ISG20: variants seen among roughly 807,000 people sequenced by gnomAD.
The protein encoded by ISG20 is interferon stimulated exonuclease gene 20, also known as interferon-stimulated gene 20 kDa protein.
In ISG20, 8 loss-of-function variants were observed where a neutral mutation model predicts 11.1. The observed-to-expected ratio is 0.72, with a 90% CI of 0.42 to 1.30. The LOEUF is 1.30. ISG20 is among the 50% of genes most tolerant of loss of function. The pLI is 0.01. For synonymous variants in ISG20, 110 were observed against 101.7 expected, an observed-to-expected ratio of 1.08 and a Z score of -0.49; for missense variants, 243 against 250.2, an observed-to-expected ratio of 0.97 and a Z score of 0.19.
At position 88,655,571 on chromosome 15, in the gene ISG20, G is replaced by C; in HGVS notation, c.*40G>C. Reference sequence around the variant, plus strand: ...CGTTCCGCAGGGACTAGAGGCTTTCGGCTTTTTGGGACAGCAACTACCTTG... The same window carrying C: ...CGTTCCGCAGGGACTAGAGGCTTTCCGCTTTTTGGGACAGCAACTACCTTG... On this transcript the variant is annotated 3_prime_UTR_variant, in exon 4 of 4. Coordinates refer to ENST00000306072, the MANE Select transcript of ISG20 (RefSeq NM_002201.6). 6.8e-7 allele frequency: 1 copy of C among 1,467,406 alleles called. No individual in the cohort carries two copies. Among genetic ancestry groups the C allele is most frequent in the Non-Finnish European group, 9.3e-7 (1 of 1,069,616 alleles). The allele number at this position is 1,467,406 out of a possible 1,614,324, so 90.9% of individuals were successfully genotyped here. A position where few individuals can be genotyped will look rare whatever the true frequency, so the allele number is the denominator to read the frequency against.
intron 2 of ISG20, among the ~76,000 whole-genome samples, chr15:88,644,730 G>A (rs1390701221): frequency 6.6e-6 from 1 of 152,056 alleles, no homozygotes; most frequent in Non-Finnish European, 1.5e-5. Context: ...GTGCTGATGG[G>A]AGGCCCAGGG....
At chr15:88,642,845 A>C (rs1337429274) in intron 2 of ISG20, among the ~76,000 whole-genome samples, 1 of 152,028 alleles carries the variant, frequency 6.6e-6, no homozygotes, top group East Asian at 2.0e-4. Flanking sequence ...CGAATGCCTC[A>C]CCTCAAGTGA....
Position 88,643,825 on chromosome 15 carries a change from T to G in ISG20, c.228+4231T>G, listed in dbSNP as rs193239631. Among the ~76,000 whole-genome samples the G allele has an allele frequency of 1.7e-3, 256 of 152,346 alleles. No individual in the cohort carries two copies. Among genetic ancestry groups the G allele is most frequent in the Admixed American group, 4.1e-3 (63 of 15,306 alleles). On this transcript the variant is annotated intron_variant, in intron 2 of 3. Coordinates refer to ENST00000306072, the MANE Select transcript of ISG20 (RefSeq NM_002201.6). The surrounding 1 kb of genome is among the most constrained non-coding windows in gnomAD (Gnocchi z 4.4). ...TGGGGACCAGAAGGGTTTTGGATTT[T>G]GGATTTGGGATTTTTTTGGATTTTG...
In ISG20 at chr15:88,655,420, C is replaced by A. The variant is rs754289934; in HGVS notation, c.435C>A (p.Ser145Arg). ...ERLLHKSIQN[S>R]LLGHSSVEDA... Reference sequence around the variant, plus strand: ...CTCTATACTTGTGTCTGCAGAACAGCCTGCTTGGACACAGCTCGGTGGAAG... The same window carrying A: ...CTCTATACTTGTGTCTGCAGAACAGACTGCTTGGACACAGCTCGGTGGAAG... The change falls in exon 4 of 4, where the codon AGC (serine) becomes AGA (arginine). Residue 145 changes from serine to arginine, a missense_variant. Physicochemically the swap from Ser to Arg is moderately radical, Grantham distance 110. Coordinates refer to ENST00000306072, the MANE Select transcript of ISG20 (RefSeq NM_002201.6). 1.9e-6 allele frequency: 3 copies of A among 1,613,842 alleles called. No individual in the cohort carries two copies. The African/African-American group carries it at 4.0e-5, about 22-fold the overall frequency.
intron 2 of ISG20, among the ~76,000 whole-genome samples, chr15:88,645,432 C>T (rs1173667579): frequency 6.6e-6 from 1 of 152,100 alleles, no homozygotes; most frequent in Non-Finnish European, 1.5e-5. Context: ...TGCTGACCCT[C>T]GTTTTCTGCC....
In ISG20 at chr15:88,656,070, C is replaced by T. The variant is rs1423225392; in HGVS notation, c.*539C>T. The T allele has an allele frequency of 1.3e-5, 2 of 152,340 alleles. No homozygotes were observed. The highest frequency in any genetic ancestry group is 2.9e-5 in the Non-Finnish European group (2 of 68,172). The allele number at this position is 152,340 out of a possible 1,614,324, so 9.4% of individuals were successfully genotyped here. A position where few individuals can be genotyped will look rare whatever the true frequency, so the allele number is the denominator to read the frequency against. On this transcript the variant is annotated 3_prime_UTR_variant, in exon 4 of 4. Coordinates refer to ENST00000306072, the MANE Select transcript of ISG20 (RefSeq NM_002201.6). ...AAGGAAAGGTAACAAACTGTGGAGTCAGAGAGAAGTAGGTTGGAATCCTCT... is the reference window on the plus strand; with the variant it reads ...AAGGAAAGGTAACAAACTGTGGAGTTAGAGAGAAGTAGGTTGGAATCCTCT...
In ISG20 at chr15:88,650,186, C is replaced by T; in HGVS notation, c.229-1924C>T. ...CTGTCCAAAGTGGGCCTGGACTAGC[C>T]ACGAGCCGCCCCTTTCCCTAATAGA... On this transcript the variant is annotated intron_variant, in intron 2 of 3. Transcript: ENST00000306072. The surrounding 1 kb of genome is among the most constrained non-coding windows in gnomAD (Gnocchi z 4.0). 6.7e-7 allele frequency: 1 copy of T among 1,489,312 alleles called. No individual in the cohort carries two copies. The highest frequency in any genetic ancestry group is 1.2e-5 in the South Asian group (1 of 83,084). The allele number at this position is 1,489,312 out of a possible 1,614,324, so 92.3% of individuals were successfully genotyped here. A position where few individuals can be genotyped will look rare whatever the true frequency, so the allele number is the denominator to read the frequency against.
chr15:88,640,355 G>A (rs1012026582), intron 2 of ISG20, among the ~76,000 whole-genome samples: 3 of 152,136 alleles, frequency 2.0e-5, no homozygotes, highest in Non-Finnish European at 4.4e-5. Context: ...GGGATGAAAT[G>A]ACAACAATAG....
chr15:88,654,432 A>G (rs942628618), intron 3 of ISG20, among the ~76,000 whole-genome samples: 4 of 152,214 alleles, frequency 2.6e-5, no homozygotes, highest in Non-Finnish European at 5.9e-5. Flanking sequence ...GGTGTCCCCA[A>G]CACCCTGTCT....
At chr15:88,635,984 C>T (rs1475587036), upstream of ISG20, among the ~76,000 whole-genome samples, 1 of 152,234 alleles carries the variant, frequency 6.6e-6, no homozygotes, top group African/African-American at 2.4e-5. Flanking sequence ...TTTAGGAATA[C>T]ACATACACAT....
At position 88,639,114 on chromosome 15, in the gene ISG20, C is replaced by A; in HGVS notation, c.-25+38C>A. The A allele has an allele frequency of 3.6e-6, 2 of 553,564 alleles. No individual in the cohort carries two copies. Among genetic ancestry groups the A allele is most frequent in the Non-Finnish European group, 6.4e-6 (2 of 311,690 alleles). The allele number at this position is 553,564 out of a possible 1,614,324, so 34.3% of individuals were successfully genotyped here. ...GCTGGAGCAGCAGCTGGGGAGGCAGCGGGAGGGGCCTTCCCGGTCCCCAGG... is the reference window on the plus strand; with the variant it reads ...GCTGGAGCAGCAGCTGGGGAGGCAGAGGGAGGGGCCTTCCCGGTCCCCAGG... On this transcript the variant is annotated intron_variant, in intron 1 of 3. Transcript: ENST00000306072. The surrounding 1 kb of genome is among the most constrained non-coding windows in gnomAD (Gnocchi z 4.2).
At chr15:88,637,342 T>C, upstream of ISG20, 1 of 151,880 alleles carries the variant, frequency 6.6e-6, no homozygotes, top group Non-Finnish European at 1.5e-5. Flanking sequence ...ATTTTTTTTT[T>C]TTTTTTTTTT....
At chr15:88,651,181 A>C in intron 2 of ISG20, 57 of 958,150 alleles carry the variant, frequency 5.9e-5, no homozygotes, top group Non-Finnish European at 6.5e-5. Context: ...GTGTCAAGGA[A>C]TTTGCAAACT....
intron 2 of ISG20, chr15:88,648,611 CTAA>C (rs2058218873): frequency 6.6e-6 from 1 of 152,244 alleles, no homozygotes; most frequent in Non-Finnish European, 1.5e-5. Context: ...GGTCCTTGTG[CTAA>C]TAATAACAAC....
chr15:88,636,440 C>T (rs1175185598), upstream of ISG20: 3 of 152,110 alleles, frequency 2.0e-5, no homozygotes, highest in Non-Finnish European at 1.5e-5. Context: ...GTGCTGGGGC[C>T]CCAGTTTTGA....
chr15:88,639,134 C>G lies in ISG20; in HGVS notation c.-25+58C>G, dbSNP rs968501999. On this transcript the variant is annotated intron_variant, in intron 1 of 3. Transcript: ENST00000306072. The surrounding 1 kb of genome is among the most constrained non-coding windows in gnomAD (Gnocchi z 4.2). ...GGCAGCGGGAGGGGCCTTCCCGGTC[C>G]CCAGGCTGCGGGGCAGGCCAGAGGC... 5.3e-6 allele frequency: 3 copies of G among 568,174 alleles called. No homozygotes were observed. In the African/African-American group the frequency reaches 5.6e-5, roughly 11 times the overall value. The allele number at this position is 568,174 out of a possible 1,614,324, so 35.2% of individuals were successfully genotyped here. A position where few individuals can be genotyped will look rare whatever the true frequency, so the allele number is the denominator to read the frequency against.
rs986984963 is a variant in ISG20 at position 88,655,402 on chromosome 15, C to T, written c.430-13C>T. 1.2e-6 allele frequency: 2 copies of T among 1,612,138 alleles called. No individual in the cohort carries two copies. Among genetic ancestry groups the T allele is most frequent in the South Asian group, 2.2e-5 (2 of 91,054 alleles). On this transcript the variant is annotated splice_polypyrimidine_tract_variant and intron_variant, in intron 3 of 3. Coordinates refer to ENST00000306072, the MANE Select transcript of ISG20 (RefSeq NM_002201.6). ...CCTCATCCCAAGTCCCCACTCTATA[C>T]TTGTGTCTGCAGAACAGCCTGCTTG...
chr15:88,642,451 G>A (rs976521821), intron 2 of ISG20, among the ~76,000 whole-genome samples: 2 of 152,184 alleles, frequency 1.3e-5, no homozygotes, highest in African/African-American at 4.8e-5. Flanking sequence ...TAAGATAGAT[G>A]GAATATGGGA....
chr15:88,645,993 G>A (rs1422051121), intron 2 of ISG20, among the ~76,000 whole-genome samples: 1 of 152,216 alleles, frequency 6.6e-6, no homozygotes. Context: ...AAAGAGTTCT[G>A]GCAGCTGCGT....
Sources: allele counts gnomAD v4.1 joint callset (sites outside exome capture counted in the v4.1 genomes callset), GRCh38; gene constraint gnomAD v4.1.1; non-coding constraint Gnocchi (gnomAD v3.1); transcripts MANE v1.5; gene names NCBI Gene and HGNC (gene_info 2026-07-23, HGNC 2026-07-21).